The following EPHA8 variants were observed in gnomAD, a reference collection of about 807,000 sequenced individuals.
The protein encoded by EPHA8 is ephrin type-A receptor 8.
In EPHA8, 58 loss-of-function variants were observed where a neutral mutation model predicts 103.6. The ratio of observed to expected loss-of-function variants is 0.56; its 90% CI spans 0.45 to 0.70. EPHA8 has a LOEUF of 0.70. EPHA8 is among the 30% of genes least tolerant of loss of function. The pLI, the probability that EPHA8 is intolerant of heterozygous loss-of-function variation, is 0.00. For missense variants in EPHA8, 1,304 were observed against 1,395.2 expected (o/e 0.93, Z 1.04); for synonymous variants, 559 against 572.5 (o/e 0.98, Z 0.34).
chr1:22,576,953 A>G lies in EPHA8; in HGVS notation c.823+73A>G. ...GTCTTGGCAGGGCTGCCAGGGTGTA[A>G]GGGGGGACGTCAGAGCCCACAGGCA... On this transcript the variant is annotated intron_variant, in intron 3 of 16. Coordinates refer to ENST00000166244, the MANE Select transcript of EPHA8 (RefSeq NM_020526.5). The surrounding 1 kb of genome is among the most constrained non-coding windows in gnomAD (Gnocchi z 4.8). 1 of 1,488,114 alleles carries G rather than the reference A, an allele frequency of 6.7e-7. No homozygotes were observed. The highest frequency in any genetic ancestry group is 9.0e-7 in the Non-Finnish European group (1 of 1,116,980). 92.2% of individuals were successfully genotyped at this position (1,488,114 alleles called of 1,614,324 possible).
rs779864388 is a variant in EPHA8, at chr1:22,599,055, G to T, written c.2388+8G>T. ...GCTGCCTACACCACCACGGTGCGTC[G>T]CCCACACTCCTTCCGGCTAGACTGG... On this transcript the variant is annotated splice_region_variant and intron_variant, in intron 13 of 16. Coordinates refer to ENST00000166244, the MANE Select transcript of EPHA8 (RefSeq NM_020526.5). The T allele has an allele frequency of 1.3e-6, 2 of 1,590,182 alleles. No homozygotes were observed. The highest frequency in any genetic ancestry group is 2.3e-5 in the East Asian group (1 of 43,980).
chr1:22,568,245 C>T (rs1640422511), intron 1 of EPHA8, among the ~76,000 whole-genome samples: 1 of 152,182 alleles, frequency 6.6e-6, no homozygotes. Flanking sequence ...TAAGTAGCTG[C>T]CTTGAGACAT....
chr1:22,598,790 A>G lies in EPHA8; in HGVS notation c.2179-48A>G, dbSNP rs545635563. On this transcript the variant is annotated intron_variant, in intron 12 of 16. Coordinates refer to ENST00000166244, the MANE Select transcript of EPHA8 (RefSeq NM_020526.5). This position sits in a 1 kb window ranked among gnomAD's most constrained non-coding sequence, Gnocchi z 5.1. ...TGGGAGGTGTTCCTGTTCACGGACC[A>G]GGCGCCTCGCCGGGCTTTCCTGAAG... 2 of 1,588,378 alleles carry G rather than the reference A, an allele frequency of 1.3e-6. No individual in the cohort carries two copies. The highest frequency in any genetic ancestry group is 1.1e-5 in the South Asian group (1 of 89,822).
intron 5 of EPHA8, among the ~76,000 whole-genome samples, chr1:22,591,840 G>T (rs542887675): frequency 6.6e-6 from 1 of 152,036 alleles, no homozygotes; most frequent in Non-Finnish European, 1.5e-5. Context: ...AAGCTCCCCC[G>T]ACCACCTCAG....
chr1:22,579,457 C>T (rs1273837697), intron 3 of EPHA8, among the ~76,000 whole-genome samples: 1 of 151,606 alleles, frequency 6.6e-6, no homozygotes, highest in Non-Finnish European at 1.5e-5. Flanking sequence ...TGTATGTGTG[C>T]ATGCGTGCAT....
Position 22,589,931 on chromosome 1 carries a change from C to T in EPHA8, c.1315+725C>T, listed in dbSNP as rs1641329945. Among the ~76,000 whole-genome samples, 1 of 152,110 alleles carries T rather than the reference C, an allele frequency of 6.6e-6. No homozygotes were observed. The highest frequency in any genetic ancestry group is 1.5e-5 in the Non-Finnish European group (1 of 68,024). On this transcript the variant is annotated intron_variant, in intron 5 of 16. Transcript: ENST00000166244. The surrounding 1 kb of genome is among the most constrained non-coding windows in gnomAD (Gnocchi z 4.3). ...CTGGCCTCGCAGACAATATGCCCAC[C>T]ACGTCACAGAGGAAGAAACTGAGGC...
chr1:22,566,429 C>G (rs1438203896), intron 1 of EPHA8, among the ~76,000 whole-genome samples: 1 of 152,214 alleles, frequency 6.6e-6, no homozygotes, highest in Non-Finnish European at 1.5e-5. Context: ...CTTCCACAGT[C>G]GAACAGGAAC....
intron 3 of EPHA8, among the ~76,000 whole-genome samples, chr1:22,584,025 G>A (rs1641119088): frequency 6.6e-6 from 1 of 152,238 alleles, no homozygotes. Flanking sequence ...AATAAATGAG[G>A]GAGGGAAGAA....
intron 3 of EPHA8, among the ~76,000 whole-genome samples, chr1:22,582,332 G>A (rs560197598): frequency 6.6e-6 from 1 of 152,340 alleles, no homozygotes; most frequent in Non-Finnish European, 1.5e-5. Flanking sequence ...CAGGGGTTGA[G>A]AGCCTGAGAC....
At chr1:22,593,280 A>G in intron 5 of EPHA8, 46 bp from the exon 6 acceptor site, 1 of 1,538,678 alleles carries the variant, frequency 6.5e-7, no homozygotes, top group Non-Finnish European at 8.8e-7. Flanking sequence ...GAGAGAGGCC[A>G]CGCCTTGTCT....
At chr1:22,583,590 C>T (rs1383861656) in intron 3 of EPHA8, among the ~76,000 whole-genome samples, 3 of 152,254 alleles carry the variant, frequency 2.0e-5, no homozygotes, top group Non-Finnish European at 4.4e-5. Flanking sequence ...ATTCCAACTA[C>T]ATCAAATTGT....
chr1:22,575,953 G>A (rs1041271737), intron 2 of EPHA8, among the ~76,000 whole-genome samples: 4 of 152,026 alleles, frequency 2.6e-5, no homozygotes, highest in Admixed American at 6.6e-5. Context: ...GCCATTGCTC[G>A]ATAATGACAT....
chr1:22,585,048 T>TGTGTGTGA (rs1335581382), intron 3 of EPHA8, among the ~76,000 whole-genome samples: 2 of 111,284 alleles, frequency 1.8e-5, no homozygotes, highest in Admixed American at 1.7e-4. Context: ...TGTGTGTGTG[T>TGTGTGTGA]GTGCGCACGC....
At chr1:22,599,179 A>G in intron 13 of EPHA8, 132 bp downstream of exon 13, 1 of 908,252 alleles carries the variant, frequency 1.1e-6, no homozygotes, top group South Asian at 1.6e-5. Flanking sequence ...CCTGGGGCAC[A>G]TCCTGTTTCT....
chr1:22,566,017 C>T (rs904873933), intron 1 of EPHA8, among the ~76,000 whole-genome samples: 1 of 152,160 alleles, frequency 6.6e-6, no homozygotes, highest in Non-Finnish European at 1.5e-5. Context: ...TGTTGGAACT[C>T]AGGGAGGGGC....
In EPHA8 at chr1:22,599,461, C is replaced by T. The variant is rs975506480; in HGVS notation, c.2388+414C>T. ...CAGCCTTAAAGGCAGGAGCTGAGTG[C>T]ATGGGGGCCAGTTTTCACCCTGGCC... On this transcript the variant is annotated intron_variant, in intron 13 of 16. Transcript: ENST00000166244. Among the ~76,000 whole-genome samples, 69 of 152,054 alleles carry T rather than the reference C, an allele frequency of 4.5e-4. 1 individual carries two copies. The highest frequency in any genetic ancestry group is 4.6e-4 in the Admixed American group (7 of 15,270).
chr1:22,588,128 G>A (rs1641268196), intron 4 of EPHA8, among the ~76,000 whole-genome samples: 1 of 152,208 alleles, frequency 6.6e-6, no homozygotes, highest in African/African-American at 2.4e-5. Flanking sequence ...GTAAGATTCT[G>A]ATTCCAAGAT....
rs1456686918 is a variant in EPHA8, at chr1:22,563,516, G to C, written c.-120G>C. The C allele has an allele frequency of 6.8e-6, 1 of 146,138 alleles. No individual in the cohort carries two copies. The highest frequency in any genetic ancestry group is 1.5e-5 in the Non-Finnish European group (1 of 65,498). 9.1% of individuals were successfully genotyped at this position (146,138 alleles called of 1,614,324 possible). A position where few individuals can be genotyped will look rare whatever the true frequency, so the allele number is the denominator to read the frequency against. ...GTGCGCTGGGAGCCGCGTGTGCGCCGGGGTGTGCGCCCGGCCGGGTGTGCG... is the reference window on the plus strand; with the variant it reads ...GTGCGCTGGGAGCCGCGTGTGCGCCCGGGTGTGCGCCCGGCCGGGTGTGCG... On this transcript the variant is annotated 5_prime_UTR_variant, in exon 1 of 17. Coordinates refer to ENST00000166244, the MANE Select transcript of EPHA8 (RefSeq NM_020526.5). This position sits in a 1 kb window ranked among gnomAD's most constrained non-coding sequence, Gnocchi z 4.4.
intron 8 of EPHA8, 107 bp from the exon 9 acceptor site, chr1:22,595,999 C>G (rs2148263499): frequency 1.0e-6 from 1 of 995,842 alleles, no homozygotes; most frequent in Non-Finnish European, 1.5e-6. Flanking sequence ...GCTGACCTGT[C>G]AGGGGAAGGG....
Sources: allele counts gnomAD v4.1 joint callset (sites outside exome capture counted in the v4.1 genomes callset), GRCh38; gene constraint gnomAD v4.1.1; non-coding constraint Gnocchi (gnomAD v3.1); transcripts MANE v1.5; gene names NCBI Gene and HGNC (gene_info 2026-07-23, HGNC 2026-07-21).